The following PTPRE variants were observed in gnomAD, a reference collection of about 807,000 sequenced individuals.
PTPRE encodes protein tyrosine phosphatase receptor type E, also known as receptor-type tyrosine-protein phosphatase epsilon.
Under a neutral mutation model 102.0 loss-of-function variants are expected in PTPRE, and 51 were observed. That is an observed-to-expected ratio of 0.50 (90% CI 0.40 to 0.63). PTPRE has a LOEUF of 0.63. Ranked by LOEUF, PTPRE falls within the 30% of genes least tolerant of loss-of-function variation. The probability of loss-of-function intolerance (pLI) is 0.00; values close to 1 mark genes in which losing one functional copy is unlikely to be tolerated. For synonymous variants in PTPRE, 345 were observed against 348.2 expected, an observed-to-expected ratio of 0.99 and a Z score of 0.10; for missense variants, 752 against 915.1, an observed-to-expected ratio of 0.82 and a Z score of 2.30.
intron 2 of PTPRE, among the ~76,000 whole-genome samples, chr10:128,026,682 ATTAC>A (rs1420752288): frequency 2.0e-5 from 3 of 152,204 alleles, no homozygotes; most frequent in Non-Finnish European, 4.4e-5. Flanking sequence ...GACATAGGCA[ATTAC>A]TTTTGTTCAA....
At chr10:128,044,689 T>G (rs1253205018) in intron 3 of PTPRE, among the ~76,000 whole-genome samples, 1 of 152,186 alleles carries the variant, frequency 6.6e-6, no homozygotes, top group Non-Finnish European at 1.5e-5. Flanking sequence ...CCCTGGGGAC[T>G]GGCCACCCTG....
chr10:128,049,699 C>G (rs1257568449), intron 6 of PTPRE, 33 bp downstream of exon 6: 12 of 1,612,660 alleles, frequency 7.4e-6, no homozygotes, highest in Non-Finnish European at 1.0e-5. Flanking sequence ...GCTGGGTGCC[C>G]TGTGGTGGAG....
At chr10:128,024,111 G>A (rs935205061) in intron 2 of PTPRE, among the ~76,000 whole-genome samples, 2 of 152,200 alleles carry the variant, frequency 1.3e-5, no homozygotes, top group African/African-American at 4.8e-5. Flanking sequence ...GATTAGGTAA[G>A]GAAACCTTTG....
intron 1 of PTPRE, among the ~76,000 whole-genome samples, chr10:127,955,325 T>TACATAC (rs1564825315): frequency 3.7e-5 from 5 of 135,586 alleles, no homozygotes; most frequent in African/African-American, 1.1e-4. Flanking sequence ...TACATACATA[T>TACATAC]ATACATACAC....
intron 2 of PTPRE, chr10:127,999,619 G>A (rs901769709): frequency 1.3e-5 from 13 of 985,336 alleles, no homozygotes; most frequent in African/African-American, 5.2e-5. Flanking sequence ...ATTATATGCC[G>A]CCTTTCTTAC....
intron 2 of PTPRE, among the ~76,000 whole-genome samples, chr10:127,992,475 T>G (rs948473082): frequency 1.3e-5 from 2 of 152,180 alleles, no homozygotes; most frequent in African/African-American, 4.8e-5. Context: ...TCTTTGGGAA[T>G]GATTTGCTCT....
chr10:128,082,141 G>T (rs1466550689), intron 20 of PTPRE, among the ~76,000 whole-genome samples: 5 of 146,848 alleles, frequency 3.4e-5, no homozygotes, highest in Non-Finnish European at 6.0e-5. Flanking sequence ...AACTTTTATA[G>T]ATCGCTTTAT....
In PTPRE at chr10:128,079,633, T is replaced by A. The variant is rs374983935; in HGVS notation, c.1966T>A (p.Leu656Ile). 2.5e-6 allele frequency: 4 copies of A among 1,613,974 alleles called. No individual in the cohort carries two copies. Among genetic ancestry groups the A allele is most frequent in the Non-Finnish European group, 3.4e-6 (4 of 1,179,954 alleles). ...GGAGCGAGTAAAAGCCGAGGGACTT[T>A]TAGATGTATTTCAAGCTGTGAAGAG... ...ILERVKAEGL[L>I]DVFQAVKSLR... The change falls in exon 20 of 21, where the codon TTA (leucine) becomes ATA (isoleucine). Residue 656 changes from leucine (L) to isoleucine (I), a missense_variant. Around this residue, in one of 2 missense-constraint regions of PTPRE, gnomAD observed 636 missense variants for 824.4 expected, o/e 0.77. Coordinates refer to ENST00000254667, the MANE Select transcript of PTPRE (RefSeq NM_006504.6).
chr10:127,959,496 A>G (rs1452121982), intron 1 of PTPRE, among the ~76,000 whole-genome samples: 1 of 152,216 alleles, frequency 6.6e-6, no homozygotes, highest in Non-Finnish European at 1.5e-5. Context: ...TACATCCCCA[A>G]TAACTCAGAC....
At chr10:128,054,472 C>T (rs1848793886) in intron 6 of PTPRE, among the ~76,000 whole-genome samples, 1 of 152,106 alleles carries the variant, frequency 6.6e-6, no homozygotes, top group South Asian at 2.1e-4. Flanking sequence ...GATGAAGAAT[C>T]AGGAACTACA....
At chr10:127,977,026 T>A (rs1245214179) in intron 1 of PTPRE, among the ~76,000 whole-genome samples, 1 of 152,208 alleles carries the variant, frequency 6.6e-6, no homozygotes. Flanking sequence ...TGTTATTTTT[T>A]TATTTGGAGT....
In PTPRE at chr10:127,931,229, G is replaced by A. The variant is rs184760516; in HGVS notation, c.-31+23920G>A. ...CAGGCCCTTATTTGTATATAAAGTT[G>A]TTTATCTCCTTTAATAGTATCTGTT... On this transcript the variant is annotated intron_variant, in intron 1 of 20. Coordinates refer to ENST00000254667, the MANE Select transcript of PTPRE (RefSeq NM_006504.6). Among the ~76,000 whole-genome samples, 4 of 152,120 alleles carry A rather than the reference G, an allele frequency of 2.6e-5. No homozygotes were observed. The East Asian group carries it at 5.8e-4, about 22-fold the overall frequency.
intron 10 of PTPRE, among the ~76,000 whole-genome samples, chr10:128,064,094 G>C (rs1467370091): frequency 1.3e-5 from 2 of 152,232 alleles, no homozygotes; most frequent in Non-Finnish European, 2.9e-5. Flanking sequence ...CCCAGGCATT[G>C]TAGCGAGGAC....
intron 1 of PTPRE, among the ~76,000 whole-genome samples, chr10:127,962,180 G>T (rs1191030498): frequency 6.6e-6 from 1 of 152,210 alleles, no homozygotes; most frequent in Admixed American, 6.5e-5. Context: ...GTGCCAGTGG[G>T]GGGTGAGGAA....
At chr10:128,047,354 A>G in intron 3 of PTPRE, 36 bp from the exon 4 acceptor site, 1 of 1,602,356 alleles carries the variant, frequency 6.2e-7, no homozygotes, top group Non-Finnish European at 8.5e-7. Flanking sequence ...CTGTGAAGTG[A>G]GGTCAGGGGT....
In PTPRE at chr10:128,078,112, T is replaced by C. The variant is rs371561320; in HGVS notation, c.1892+329T>C. On this transcript the variant is annotated intron_variant, in intron 19 of 20. Transcript: ENST00000254667. ...CCAGGCAGGGCTCGGAGGAACACAC[T>C]CCTGGACTTCAAGTTCCTGGGTGGG... 1.1e-4 allele frequency among the ~76,000 whole-genome samples: 17 copies of C among 152,304 alleles called. No homozygotes were observed. The East Asian group carries it at 2.9e-3, about 26-fold the overall frequency.
chr10:128,054,611 G>A (rs920134547), intron 6 of PTPRE, among the ~76,000 whole-genome samples: 8 of 151,604 alleles, frequency 5.3e-5, no homozygotes, highest in Non-Finnish European at 1.2e-4. Context: ...CAAACCCCAT[G>A]GCCTGGAAGG....
intron 6 of PTPRE, among the ~76,000 whole-genome samples, 158 bp downstream of exon 6, chr10:128,049,824 G>A (rs566602939): frequency 7.9e-5 from 12 of 152,292 alleles, no homozygotes; most frequent in Admixed American, 7.2e-4. Flanking sequence ...GGTGTGTGGT[G>A]CAGTGCCCTT....
chr10:127,932,234 T>A (rs1335579652), intron 1 of PTPRE, among the ~76,000 whole-genome samples: 5 of 152,226 alleles, frequency 3.3e-5, no homozygotes, highest in African/African-American at 4.8e-5. Flanking sequence ...AAGTCTATAT[T>A]GAAAATTAAC....
Sources: gnomAD v4.1 joint callset for allele counts (sites outside exome capture counted in the v4.1 genomes callset) on GRCh38, gnomAD v4.1.1 for gene constraint, gnomAD v4.1.1 regional missense constraint, MANE v1.5 for transcripts, NCBI Gene and HGNC (gene_info 2026-07-23, HGNC 2026-07-21) for gene names.